CCDC81: variants seen among roughly 807,000 people sequenced by gnomAD.
The protein encoded by CCDC81 is coiled-coil domain-containing protein 81.
A neutral mutation model predicts 83.7 loss-of-function variants in CCDC81; 79 were observed. That is an observed-to-expected ratio of 0.94 (90% CI 0.79 to 1.14). The LOEUF is 1.14. Among genes scored for constraint, CCDC81 ranks in the 50% most tolerant of loss-of-function variants. The pLI is 0.00. For missense variants in CCDC81, 791 were observed against 778.1 expected (o/e 1.02, Z -0.20); for synonymous variants, 252 against 278.1 (o/e 0.91, Z 0.93).
intron 4 of CCDC81, 69 bp from the exon 5 acceptor site, chr11:86,395,265 G>A (rs1260065299): frequency 8.2e-7 from 1 of 1,222,710 alleles, no homozygotes; most frequent in East Asian, 2.3e-5. Context: ...CTATGAGCCT[G>A]CAGTTTTTAA....
intron 3 of CCDC81, among the ~76,000 whole-genome samples, chr11:86,391,449 C>T (rs1355992394): frequency 6.6e-6 from 1 of 152,078 alleles, no homozygotes; most frequent in Admixed American, 6.6e-5. Context: ...CATCTTGATC[C>T]TCTTTGCTAT....
chr11:86,419,730 A>C, intron 13 of CCDC81, 198 bp from the exon 14 acceptor site: 1 of 436,946 alleles, frequency 2.3e-6, no homozygotes, highest in Non-Finnish European at 3.8e-6. Flanking sequence ...GATTGAAGAT[A>C]AAAGACCTTT....
chr11:86,379,461 C>A (rs1435625157), intron 1 of CCDC81, among the ~76,000 whole-genome samples: 1 of 152,092 alleles, frequency 6.6e-6, no homozygotes, highest in Non-Finnish European at 1.5e-5. Context: ...ACAGTCAATT[C>A]AAGTCCACTT....
intron 7 of CCDC81, among the ~76,000 whole-genome samples, chr11:86,404,226 A>G (rs187170029): frequency 6.6e-6 from 1 of 152,304 alleles, no homozygotes; most frequent in East Asian, 1.9e-4. Flanking sequence ...GGCCTAAGAG[A>G]AGTTATTAAA....
intron 3 of CCDC81, among the ~76,000 whole-genome samples, chr11:86,390,447 T>C (rs986377255): frequency 6.6e-6 from 1 of 152,112 alleles, no homozygotes; most frequent in African/African-American, 2.4e-5. Context: ...CCTTATATGG[T>C]GTGATCGGAC....
Position 86,400,892 on chromosome 11 carries a change from T to C in CCDC81, c.881+91T>C, listed in dbSNP as rs185217599. The C allele has an allele frequency of 5.1e-4, 687 of 1,334,742 alleles. 6 individuals are homozygous for C. In the African/African-American group the frequency reaches 9.1e-3, roughly 18 times the overall value. 82.7% of individuals were successfully genotyped at this position (1,334,742 alleles called of 1,614,324 possible). On this transcript the variant is annotated intron_variant, in intron 7 of 14. Transcript: ENST00000445632. ...GCGGGGAACTGTAATTGTTCATTAATTCATTTATCCAGTGTTCTTTAGAGC... is the reference window on the plus strand; with the variant it reads ...GCGGGGAACTGTAATTGTTCATTAACTCATTTATCCAGTGTTCTTTAGAGC...
chr11:86,421,409 A>G (rs1593948279), intron 14 of CCDC81, among the ~76,000 whole-genome samples: 1 of 152,054 alleles, frequency 6.6e-6, no homozygotes, highest in East Asian at 1.9e-4. Context: ...TCCTGGGTTC[A>G]TGCCATTCTC....
intron 6 of CCDC81, among the ~76,000 whole-genome samples, chr11:86,400,315 A>T (rs922907589): frequency 6.6e-6 from 1 of 152,314 alleles, no homozygotes; most frequent in Non-Finnish European, 1.5e-5. Context: ...CTCTTCAACT[A>T]TATCTATCGA....
rs1360129559 is a variant in CCDC81, at chr11:86,375,172, T to C, written c.9T>C (p.Asp3=). The C allele has an allele frequency of 6.2e-7, 1 of 1,613,566 alleles. No individual in the cohort carries two copies. The highest frequency in any genetic ancestry group is 8.5e-7 in the Non-Finnish European group (1 of 1,179,924). The change falls in exon 1 of 15, where the codon GAT becomes GAC. Residue 3 remains aspartate (D), a synonymous_variant. Transcript: ENST00000445632. ML[D]TIARALQDLG... The stretch of plus-strand genomic sequence containing the variant: ...TCACCTGGAAATTGGAGATGTTGGA[T>C]ACGATCGCCCGTGCCCTGCAGGACC...
chr11:86,392,587 G>T lies in CCDC81; in HGVS notation c.345G>T (p.Glu115Asp). The change falls in exon 4 of 15, where the codon GAG (glutamate) becomes GAT (aspartate). Residue 115 changes from glutamate (E) to aspartate (D), a missense_variant. Transcript: ENST00000445632. ...VPLNFVMISLEGPFNRDVVEG... is the reference protein window; with the variant it reads ...VPLNFVMISLDGPFNRDVVEG... ...TTAATTTTGTCATGATATCCCTGGA[G>T]GGTCCATTTAACAGAGATGTAGTGG... 1.3e-6 allele frequency: 2 copies of T among 1,551,640 alleles called. No individual in the cohort carries two copies.
Position 86,414,850 on chromosome 11 carries a change from A to T in CCDC81, c.1453A>T (p.Arg485Ter). The change falls in exon 12 of 15, where the codon AGA becomes TGA. Residue 485 changes from arginine (R) to a stop codon, truncating the protein, a stop_gained. Coordinates refer to ENST00000445632, the MANE Select transcript of CCDC81 (RefSeq NM_001156474.2). LOFTEE classifies it high-confidence loss of function. ...DKMEETQCYK[R>*]ALDAQIKNKP... ...GATGGAAGAAACACAGTGTTACAAG[A>T]GAGCTTTGGATGCACAGGTAAGGGG... 6.2e-7 allele frequency: 1 copy of T among 1,610,010 alleles called. No homozygotes were observed. Among genetic ancestry groups the T allele is most frequent in the Non-Finnish European group, 8.5e-7 (1 of 1,179,074 alleles).
chr11:86,389,537 T>C (rs1948294332), intron 3 of CCDC81, among the ~76,000 whole-genome samples: 1 of 152,076 alleles, frequency 6.6e-6, no homozygotes, highest in South Asian at 2.1e-4. Flanking sequence ...CATCTTACCA[T>C]GGCGGAGCAG....
Position 86,374,907 on chromosome 11 carries a change from T to G in CCDC81, c.-257T>G. ...CTCTCACTCGGTGCCGGACATCAGTTCCTGCGGCTCTTGCTGTGGGAGCTG... is the reference window on the plus strand; with the variant it reads ...CTCTCACTCGGTGCCGGACATCAGTGCCTGCGGCTCTTGCTGTGGGAGCTG... On this transcript the variant is annotated 5_prime_UTR_variant, in exon 1 of 15. Coordinates refer to ENST00000445632, the MANE Select transcript of CCDC81 (RefSeq NM_001156474.2). The G allele has an allele frequency of 6.6e-6, 3 of 457,218 alleles. No individual in the cohort carries two copies. The highest frequency in any genetic ancestry group is 6.1e-5 in the South Asian group (3 of 48,858). The allele number at this position is 457,218 out of a possible 1,614,324, so 28.3% of individuals were successfully genotyped here.
intron 13 of CCDC81, among the ~76,000 whole-genome samples, chr11:86,418,292 T>C (rs936005349): frequency 2.0e-5 from 3 of 152,116 alleles, no homozygotes; most frequent in African/African-American, 7.2e-5. Flanking sequence ...TGGAAAACAG[T>C]ATGGTGGTTC....
At chr11:86,385,789 T>C (rs1183959087) in intron 1 of CCDC81, among the ~76,000 whole-genome samples, 1 of 152,214 alleles carries the variant, frequency 6.6e-6, no homozygotes, top group East Asian at 1.9e-4. Flanking sequence ...CAGAGTTCCC[T>C]TTGCTGTAGA....
chr11:86,401,281 T>C (rs1593926017), intron 7 of CCDC81, among the ~76,000 whole-genome samples: 1 of 152,306 alleles, frequency 6.6e-6, no homozygotes, highest in Non-Finnish European at 1.5e-5. Context: ...CTTGTGATGG[T>C]ATGTCAAAAG....
chr11:86,389,451 C>T (rs1948293562), intron 3 of CCDC81, among the ~76,000 whole-genome samples: 2 of 152,130 alleles, frequency 1.3e-5, no homozygotes, highest in Admixed American at 6.5e-5. Context: ...CATAGTTCTG[C>T]AGGCTTAACA....
chr11:86,398,063 G>A (rs547898431), intron 6 of CCDC81, among the ~76,000 whole-genome samples: 83 of 152,104 alleles, frequency 5.5e-4, no homozygotes, highest in Non-Finnish European at 9.1e-4. Flanking sequence ...TCAAACTCCT[G>A]GCCTGAAGTG....
intron 13 of CCDC81, among the ~76,000 whole-genome samples, chr11:86,416,518 G>A (rs1948721290): frequency 6.6e-6 from 1 of 152,088 alleles, no homozygotes; most frequent in Admixed American, 6.5e-5. Flanking sequence ...GTATGACTTG[G>A]GCCAGATCAC....
Sources: gnomAD v4.1 joint callset for allele counts (sites outside exome capture counted in the v4.1 genomes callset) on GRCh38, gnomAD v4.1.1 for gene constraint, MANE v1.5 for transcripts, NCBI Gene and HGNC (gene_info 2026-07-23, HGNC 2026-07-21) for gene names.